The following C5 variants were observed in gnomAD, a reference collection of about 807,000 sequenced individuals.
C5 encodes the protein C3 and PZP-like alpha-2-macroglobulin domain-containing protein 4.
A neutral mutation model predicts 218.8 loss-of-function variants in C5; 140 were observed. The observed-to-expected ratio is 0.64, with a 90% CI of 0.56 to 0.74. C5 has a LOEUF of 0.74. C5 is among the 30% of genes least tolerant of loss of function. C5 has a pLI of 0.00. For synonymous variants in C5, 614 were observed against 682.3 expected, an observed-to-expected ratio of 0.90 and a Z score of 1.56; for missense variants, 1,700 against 1,969.6, an observed-to-expected ratio of 0.86 and a Z score of 2.59.
At chr9:121,063,870 G>A in the C5 span, among the ~76,000 whole-genome samples, 7 of 152,222 alleles carry the variant, frequency 4.6e-5, no homozygotes, top group Non-Finnish European at 5.9e-5. Context: ...ATTTATTCCA[G>A]TGAAAATTAT....
chr9:121,049,560 G>A (rs982913362), intron 1 of C5, among the ~76,000 whole-genome samples: 3 of 152,132 alleles, frequency 2.0e-5, no homozygotes, highest in African/African-American at 7.2e-5. Context: ...CTCTAGAACT[G>A]TGACCTTTGG....
intron 22 of C5, among the ~76,000 whole-genome samples, chr9:120,993,064 A>ATT (rs2047088624): frequency 6.6e-6 from 1 of 152,254 alleles, no homozygotes; most frequent in African/African-American, 2.4e-5. Context: ...AGAAATGCTT[A>ATT]AAATCATTAG....
chr9:120,962,692 C>CT lies in C5; in HGVS notation c.4482dup (p.Val1495SerfsTer9), dbSNP rs1208576311. ...TTACCTGGTCTGTGGTATTCGTACA[C>CT]TGTGAAAGTGGCAGGACTGAGAAAC... On this transcript the variant is annotated frameshift_variant, in exon 36 of 41. Transcript: ENST00000223642. LOFTEE classifies it high-confidence loss of function. 1 of 1,612,778 alleles carries CT rather than the reference C, an allele frequency of 6.2e-7. No homozygotes were observed.
intron 20 of C5, among the ~76,000 whole-genome samples, chr9:121,002,188 G>A (rs2047167597): frequency 7.4e-6 from 1 of 135,994 alleles, no homozygotes. Context: ...ATGTAGATAT[G>A]TACATATACG....
intron 37 of C5, 37 bp downstream of exon 37, chr9:120,961,445 A>C: frequency 7.5e-7 from 1 of 1,338,556 alleles, no homozygotes. Context: ...ACTGCTTTAA[A>C]TAAGCATGCA....
chr9:120,967,722 T>TA lies in C5; in HGVS notation c.4220+1338_4220+1339insT, dbSNP rs2046879440. ...AAATACCTACATATTCTTTTCTTTTTCTTTTTTTTTTTATTTGGAGACAAG... is the reference window on the plus strand; with the variant it reads ...AAATACCTACATATTCTTTTCTTTTTACTTTTTTTTTTTATTTGGAGACAAG... On this transcript the variant is annotated intron_variant, in intron 33 of 40. Coordinates refer to ENST00000223642, the MANE Select transcript of C5 (RefSeq NM_001735.3). Among the ~76,000 whole-genome samples, 12 of 151,820 alleles carry TA rather than the reference T, an allele frequency of 7.9e-5. No homozygotes were observed. In the South Asian group the frequency reaches 2.5e-3, roughly 32 times the overall value.
chr9:121,042,973 C>T (rs1398250706), intron 3 of C5, 31 bp downstream of exon 3: 2 of 1,579,752 alleles, frequency 1.3e-6, no homozygotes, highest in Non-Finnish European at 1.7e-6. Context: ...TCAAATCCCC[C>T]ACCCAGAGGA....
chr9:121,053,301 C>T (rs954619595), upstream of C5, among the ~76,000 whole-genome samples: 2 of 152,166 alleles, frequency 1.3e-5, no homozygotes, highest in African/African-American at 2.4e-5. Context: ...GGCTCAAGCC[C>T]GCAGTCTCAC....
Position 120,960,309 on chromosome 9 carries a change from C to T in C5, c.4617G>A (p.Leu1539=). The change falls in exon 38 of 41, where the codon TTG becomes TTA. Residue 1539 remains leucine (L), a synonymous_variant. Coordinates refer to ENST00000223642, the MANE Select transcript of C5 (RefSeq NM_001735.3). The part of the protein sequence containing the change: ...EADCGQMQEE[L]DLTISAETRK... ...TTGTCTCTGCAGAGATTGTCAGATC[C>T]AATTCTTCCTGCATTTGCCCACAAT... 3 of 1,613,408 alleles carry T rather than the reference C, an allele frequency of 1.9e-6. No homozygotes were observed. The highest frequency in any genetic ancestry group is 2.5e-6 in the Non-Finnish European group (3 of 1,179,682).
chr9:121,070,655 T>C, the C5 span, among the ~76,000 whole-genome samples: 3 of 151,778 alleles, frequency 2.0e-5, no homozygotes, highest in African/African-American at 4.8e-5. Context: ...TTCTCAGTCA[T>C]ATGTCGAAGC....
intron 22 of C5, among the ~76,000 whole-genome samples, chr9:120,994,917 G>A (rs2047104963): frequency 7.9e-6 from 1 of 127,160 alleles, no homozygotes; most frequent in Non-Finnish European, 1.7e-5. Context: ...AGAAGCATCT[G>A]TGGTGAAAAA....
At chr9:121,022,308 T>C (rs1227978049) in intron 10 of C5, among the ~76,000 whole-genome samples, 4 of 151,414 alleles carry the variant, frequency 2.6e-5, no homozygotes, top group Non-Finnish European at 5.9e-5. Flanking sequence ...CATATATATA[T>C]ATATATACAC....
intron 20 of C5, among the ~76,000 whole-genome samples, chr9:121,004,756 G>T (rs1399588241): frequency 6.6e-6 from 1 of 151,618 alleles, no homozygotes; most frequent in East Asian, 1.9e-4. Flanking sequence ...CTGGGCAATA[G>T]AACAAGACCC....
At chr9:121,011,356 C>T in intron 17 of C5, among the ~76,000 whole-genome samples, 1 of 151,946 alleles carries the variant, frequency 6.6e-6, no homozygotes, top group African/African-American at 2.4e-5. Context: ...ATACAAATGG[C>T]AAAAAAGCAT....
chr9:120,987,695 T>C (rs1043788376), intron 25 of C5, among the ~76,000 whole-genome samples: 8 of 151,658 alleles, frequency 5.3e-5, no homozygotes, highest in African/African-American at 1.7e-4. Context: ...GTATTCTAGG[T>C]TGTAAACTCC....
chr9:121,038,345 T>G (rs758507819), intron 3 of C5, among the ~76,000 whole-genome samples: 8 of 152,216 alleles, frequency 5.3e-5, no homozygotes, highest in Non-Finnish European at 1.2e-4. Context: ...CATAATATAT[T>G]GTCTCAGAGT....
In C5 at chr9:120,997,670, C is replaced by T; in HGVS notation, c.2667G>A (p.Glu889=). 6.2e-7 allele frequency: 1 copy of T among 1,614,176 alleles called. No homozygotes were observed. ...ATGTCACCAAGTGACTGGAGGAGCC[C>T]TCTACTTTCTGGCGCACACATTTGG... ...KSSKCVRQKV[E]GSSSHLVTFT... Residue 889 remains glutamate, a synonymous_variant, in exon 21 of 41, where the codon GAG becomes GAA. Transcript: ENST00000223642.
chr9:121,019,933 C>A (rs2047348235), intron 12 of C5, 43 bp downstream of exon 12: 1 of 1,271,698 alleles, frequency 7.9e-7, no homozygotes, highest in African/African-American at 1.5e-5. Flanking sequence ...GGAAAATGTT[C>A]CAGGTGGGGG....
At chr9:121,049,339 C>T (rs1432332611) in intron 1 of C5, among the ~76,000 whole-genome samples, 1 of 152,184 alleles carries the variant, frequency 6.6e-6, no homozygotes, top group Non-Finnish European at 1.5e-5. Flanking sequence ...AGCTGCTCGT[C>T]TTTCAAAAAG....
Sources: gnomAD v4.1 joint callset for allele counts (sites outside exome capture counted in the v4.1 genomes callset) on GRCh38, gnomAD v4.1.1 for gene constraint, MANE v1.5 for transcripts, NCBI Gene and HGNC (gene_info 2026-07-23, HGNC 2026-07-21) for gene names.